Variants in MET observed in about 807,000 individuals in gnomAD.
MET encodes the protein MET proto-oncogene, receptor tyrosine kinase.
In MET, 48 loss-of-function variants were observed where a neutral mutation model predicts 133.1. That is an observed-to-expected ratio of 0.36 (90% CI 0.29 to 0.46). The LOEUF (loss-of-function observed/expected upper bound fraction) is 0.46, where lower values mean the gene tolerates loss of function less well. Among genes scored for constraint, MET ranks in the 20% least tolerant of loss-of-function variants. The pLI is 1.00. For missense variants in MET, 1,442 were observed against 1,695.9 expected (o/e 0.85, Z 2.63); for synonymous variants, 628 against 616.5 (o/e 1.02, Z -0.28).
At chr7:116,700,804 C>G (rs1791550284) in intron 2 of MET, among the ~76,000 whole-genome samples, 1 of 152,122 alleles carries the variant, frequency 6.6e-6, no homozygotes, top group Admixed American at 6.5e-5. Flanking sequence ...CTTAAAGGAA[C>G]TTAACTTTAA....
chr7:116,796,027 T>C lies in MET; in HGVS notation c.4076T>C (p.Val1359Ala). The C allele has an allele frequency of 1.9e-6, 3 of 1,614,020 alleles. No individual in the cohort carries two copies. The highest frequency in any genetic ancestry group is 1.7e-6 in the Non-Finnish European group (2 of 1,179,924). The change falls in exon 21 of 21, where the codon GTA becomes GCA. Residue 1359 changes from valine (V) to alanine (A), a missense_variant. Around this residue, in one of 6 missense-constraint regions of MET, gnomAD observed 94 missense variants for 109.5 expected, o/e 0.86. Coordinates refer to ENST00000397752, the MANE Select transcript of MET (RefSeq NM_000245.4). ...CATGTGAACGCTACTTATGTGAACG[T>C]AAAATGTGTCGCTCCGTATCCTTCT... ...YVHVNATYVN[V>A]KCVAPYPSLL... is the part of the protein sequence containing the mutation.
chr7:116,707,530 T>G (rs1791846877), intron 2 of MET, among the ~76,000 whole-genome samples: 1 of 152,192 alleles, frequency 6.6e-6, no homozygotes, highest in Non-Finnish European at 1.5e-5. Context: ...TTATTCATGA[T>G]TAGTTAAAAT....
At chr7:116,778,996 T>A (rs2117049007) in intron 17 of MET, 39 bp downstream of exon 17, 1 of 1,605,874 alleles carries the variant, frequency 6.2e-7, no homozygotes, top group Non-Finnish European at 8.5e-7. Flanking sequence ...GCAAACTAGC[T>A]GTAAGCCAGC....
At chr7:116,730,425 A>G (rs1210532772) in intron 2 of MET, among the ~76,000 whole-genome samples, 1 of 152,192 alleles carries the variant, frequency 6.6e-6, no homozygotes, top group East Asian at 1.9e-4. Context: ...AGTGTTTTAA[A>G]TAGAGAGGGA....
chr7:116,790,115 C>G (rs925633329), intron 19 of MET, among the ~76,000 whole-genome samples: 15 of 152,174 alleles, frequency 9.9e-5, no homozygotes, highest in Non-Finnish European at 1.8e-4. Flanking sequence ...ATCCATGTCC[C>G]TGCAAAAGAC....
chr7:116,758,388 T>A lies in MET; in HGVS notation c.2103-71T>A, dbSNP rs557861718. 18 of 1,454,978 alleles carry A rather than the reference T, an allele frequency of 1.2e-5. No homozygotes were observed. The East Asian group carries it at 4.1e-4, about 33-fold the overall frequency. The allele number at this position is 1,454,978 out of a possible 1,614,324, so 90.1% of individuals were successfully genotyped here. A position where few individuals can be genotyped will look rare whatever the true frequency, so the allele number is the denominator to read the frequency against. Reference sequence around the variant, plus strand: ...AACCATTGAGTTATATCCTTTTGATTTGTGGATATAATTCTAAAATATGTG... The same window carrying A: ...AACCATTGAGTTATATCCTTTTGATATGTGGATATAATTCTAAAATATGTG... On this transcript the variant is annotated intron_variant, in intron 8 of 20. Transcript: ENST00000397752.
intron 9 of MET, among the ~76,000 whole-genome samples, chr7:116,759,048 T>C (rs958781890): frequency 1.2e-4 from 18 of 152,238 alleles, no homozygotes; most frequent in African/African-American, 3.9e-4. Flanking sequence ...TGATATCTCA[T>C]TGGACCCAGT....
At chr7:116,724,441 C>T (rs937859073) in intron 2 of MET, among the ~76,000 whole-genome samples, 2 of 152,242 alleles carry the variant, frequency 1.3e-5, no homozygotes, top group Non-Finnish European at 2.9e-5. Flanking sequence ...GCGTCGCTCA[C>T]GCTGGGAGCT....
intron 2 of MET, among the ~76,000 whole-genome samples, chr7:116,722,826 T>C (rs1342292659): frequency 1.3e-5 from 2 of 152,096 alleles, no homozygotes; most frequent in Non-Finnish European, 2.9e-5. Context: ...CTCTTCTGGC[T>C]TGTAGGGTTT....
intron 19 of MET, among the ~76,000 whole-genome samples, chr7:116,794,212 C>G (rs960643054): frequency 1.3e-5 from 2 of 152,182 alleles, no homozygotes; most frequent in African/African-American, 4.8e-5. Context: ...TGGGACCTAT[C>G]TAGTAACTTG....
chr7:116,672,439 G>T lies in MET; in HGVS notation c.-153G>T. 2.5e-6 allele frequency: 1 copy of T among 396,862 alleles called. No individual in the cohort carries two copies. The highest frequency in any genetic ancestry group is 1.3e-4 in the South Asian group (1 of 7,854). The allele number at this position is 396,862 out of a possible 1,614,324, so 24.6% of individuals were successfully genotyped here. A position where few individuals can be genotyped will look rare whatever the true frequency, so the allele number is the denominator to read the frequency against. On this transcript the variant is annotated 5_prime_UTR_variant, in exon 1 of 21. Transcript: ENST00000397752. The stretch of plus-strand genomic sequence containing the variant: ...GCCCGCGGCGCCCCGAGCGCTTTGT[G>T]AGCAGATGCGGAGCCGAGTGGAGGG...
intron 5 of MET, among the ~76,000 whole-genome samples, chr7:116,754,983 G>GGAAAGAAAGAAA (rs10674901): frequency 0.28 from 21,649 of 78,628 alleles, 3,910 homozygotes; most frequent in Middle Eastern, 0.3. Context: ...AGCAGAGAAA[G>GGAAAGAAAGAAA]GAAAGAAAGA....
rs1795697721 is a variant in MET, at chr7:116,796,932, G to A, written c.*808G>A. The A allele has an allele frequency of 5.6e-6, 1 of 178,406 alleles. No homozygotes were observed. The highest frequency in any genetic ancestry group is 6.3e-5 in the Admixed American group (1 of 15,860). 11.1% of individuals were successfully genotyped at this position (178,406 alleles called of 1,614,324 possible). On this transcript the variant is annotated 3_prime_UTR_variant, in exon 21 of 21. Coordinates refer to ENST00000397752, the MANE Select transcript of MET (RefSeq NM_000245.4). Reference sequence around the variant, plus strand: ...CTGCGCCCAGCCCTTATAAATTTTTGTATAGACATTCCTTTGGTTGGAAGA... The same window carrying A: ...CTGCGCCCAGCCCTTATAAATTTTTATATAGACATTCCTTTGGTTGGAAGA...
chr7:116,722,328 T>G (rs1472521190), intron 2 of MET, among the ~76,000 whole-genome samples: 3 of 151,304 alleles, frequency 2.0e-5, no homozygotes, highest in African/African-American at 2.4e-5. Flanking sequence ...GTTTTCCATT[T>G]GCTTGGTAGC....
chr7:116,699,496 A>G lies in MET; in HGVS notation c.412A>G (p.Arg138Gly), dbSNP rs2116588156. Residue 138 changes from arginine (R) to glycine (G), a missense_variant, in exon 2 of 21, where the codon AGA (arginine) becomes GGA (glycine). Transcript: ENST00000397752. ...ACTCATTAGCTGTGGCAGCGTCAACAGAGGGACCTGCCAGCGACATGTCTT... is the reference window on the plus strand; with the variant it reads ...ACTCATTAGCTGTGGCAGCGTCAACGGAGGGACCTGCCAGCGACATGTCTT... ...DQLISCGSVN[R>G]GTCQRHVFPH... 6.2e-7 allele frequency: 1 copy of G among 1,614,042 alleles called. No individual in the cohort carries two copies. Among genetic ancestry groups the G allele is most frequent in the East Asian group, 2.2e-5 (1 of 44,880 alleles).
At chr7:116,790,865 T>G (rs551471351) in intron 19 of MET, among the ~76,000 whole-genome samples, 2 of 152,292 alleles carry the variant, frequency 1.3e-5, no homozygotes, top group African/African-American at 4.8e-5. Flanking sequence ...TCACTTGATG[T>G]TAGGAGTTCG....
chr7:116,754,669 T>C (rs754720043), intron 5 of MET, among the ~76,000 whole-genome samples: 5 of 147,832 alleles, frequency 3.4e-5, no homozygotes, highest in Non-Finnish European at 4.5e-5. Context: ...AAAAAAAAAA[T>C]AGCCAAGCAT....
chr7:116,720,509 C>A (rs1326615827), intron 2 of MET, among the ~76,000 whole-genome samples: 1 of 117,180 alleles, frequency 8.5e-6, no homozygotes, highest in East Asian at 2.3e-4. Context: ...CTGGCCAGAA[C>A]TTCCAACACT....
At chr7:116,730,219 G>A (rs982814384) in intron 2 of MET, among the ~76,000 whole-genome samples, 14 of 152,162 alleles carry the variant, frequency 9.2e-5, no homozygotes, top group South Asian at 2.1e-4. Flanking sequence ...ATTTCAAGCC[G>A]GGAAATAGCA....
Sources: gnomAD v4.1 joint callset for allele counts (sites outside exome capture counted in the v4.1 genomes callset) on GRCh38, gnomAD v4.1.1 for gene constraint, gnomAD v4.1.1 regional missense constraint, MANE v1.5 for transcripts, NCBI Gene and HGNC (gene_info 2026-07-23, HGNC 2026-07-21) for gene names.